Variants in SLC41A3 observed in about 807,000 individuals in gnomAD.
SLC41A3 encodes SLC41A1-like 2.
In SLC41A3, 44 loss-of-function variants were observed where a neutral mutation model predicts 45.4. The ratio of observed to expected loss-of-function variants is 0.97; its 90% confidence interval spans 0.76 to 1.25. SLC41A3 has a LOEUF of 1.25. SLC41A3 is among the 50% of genes most tolerant of loss of function. SLC41A3 has a pLI of 0.00. For synonymous variants in SLC41A3, 256 were observed against 252.4 expected, an observed-to-expected ratio of 1.01 and a Z score of -0.13; for missense variants, 550 against 600.6, an observed-to-expected ratio of 0.92 and a Z score of 0.88.
At chr3:126,077,357 G>A (rs9844008) in intron 1 of SLC41A3, among the ~76,000 whole-genome samples, 2,941 of 152,106 alleles carry the variant, frequency 0.019, 73 homozygotes, top group African/African-American at 0.061. Context: ...TCCAGCCTAG[G>A]GGACAGAGTA....
chr3:126,011,658 T>C (rs570259124), intron 9 of SLC41A3, among the ~76,000 whole-genome samples: 1 of 152,238 alleles, frequency 6.6e-6, no homozygotes, highest in South Asian at 2.1e-4. Flanking sequence ...TCCTAGAAAC[T>C]AAAGACAAGG....
chr3:126,086,023 T>G (rs941558623), upstream of SLC41A3, among the ~76,000 whole-genome samples: 1 of 152,028 alleles, frequency 6.6e-6, no homozygotes, highest in Non-Finnish European at 1.5e-5. Context: ...TGACACATGG[T>G]GGGGTCCTGC....
intron 1 of SLC41A3, among the ~76,000 whole-genome samples, chr3:126,099,447 C>T (rs1255744755): frequency 6.6e-6 from 1 of 152,222 alleles, no homozygotes; most frequent in East Asian, 1.9e-4. Flanking sequence ...TGTGGTGACT[C>T]ACGCCCATAA....
rs1039101046 is a variant in SLC41A3, at chr3:126,026,795, C to T, written c.454-316G>A. Among the ~76,000 whole-genome samples the T allele has an allele frequency of 6.6e-6, 1 of 152,192 alleles. No homozygotes were observed. Among genetic ancestry groups the T allele is most frequent in the African/African-American group, 2.4e-5 (1 of 41,448 alleles). On this transcript the variant is annotated intron_variant, in intron 4 of 10. Transcript: ENST00000360370. This position sits in a 1 kb window ranked among gnomAD's most constrained non-coding sequence, Gnocchi z 4.2. ...CCACCTGGTATCTTGCTGGCAACTC[C>T]ACTCTCACTGGTCTGAGCAGAAGTC... is the stretch of plus-strand genomic sequence containing the variant.
intron 1 of SLC41A3, among the ~76,000 whole-genome samples, chr3:126,096,289 A>C (rs140399846): frequency 2.0e-5 from 3 of 152,172 alleles, no homozygotes; most frequent in African/African-American, 7.2e-5. Flanking sequence ...GCAGATGCGG[A>C]TCCTGACTCC....
chr3:126,053,072 A>T (rs1943445413), intron 2 of SLC41A3, among the ~76,000 whole-genome samples: 1 of 152,212 alleles, frequency 6.6e-6, no homozygotes, highest in Non-Finnish European at 1.5e-5. Context: ...GGTATCACAC[A>T]ACCGTGACGG....
At chr3:126,078,036 C>T (rs1414554241) in intron 1 of SLC41A3, among the ~76,000 whole-genome samples, 1 of 152,178 alleles carries the variant, frequency 6.6e-6, no homozygotes, top group Non-Finnish European at 1.5e-5. Flanking sequence ...TGCCTACTCC[C>T]ACCTGCCTCC....
Position 126,037,572 on chromosome 3 carries a change from G to A in SLC41A3, c.382-3894C>T, listed in dbSNP as rs138578709. Reference sequence around the variant, plus strand: ...TTGAACTTAGGAGTGCTGTCTTAGGGTATCAGGCAGGAGAAATTTCTAAGG... The same window carrying A: ...TTGAACTTAGGAGTGCTGTCTTAGGATATCAGGCAGGAGAAATTTCTAAGG... On this transcript the variant is annotated intron_variant, in intron 3 of 10. Coordinates refer to ENST00000360370, the MANE Select transcript of SLC41A3 (RefSeq NM_017836.4). Among the ~76,000 whole-genome samples, 291 of 152,310 alleles carry A rather than the reference G, an allele frequency of 1.9e-3. 2 individuals are homozygous for A. Among genetic ancestry groups the A allele is most frequent in the African/African-American group, 6.6e-3 (275 of 41,562 alleles).
intron 8 of SLC41A3, 93 bp downstream of exon 8, chr3:126,015,401 G>A (rs1471165675): frequency 1.6e-6 from 2 of 1,282,756 alleles, no homozygotes; most frequent in South Asian, 1.3e-5. Flanking sequence ...TGCGGGGCTG[G>A]TGCTGCCCCT....
intron 4 of SLC41A3, among the ~76,000 whole-genome samples, chr3:126,028,202 T>A (rs992680830): frequency 4.6e-5 from 7 of 152,104 alleles, no homozygotes; most frequent in African/African-American, 1.7e-4. Flanking sequence ...CTAGAAGACA[T>A]CTTAGAGACC....
chr3:126,044,138 G>T (rs557043748), intron 3 of SLC41A3, among the ~76,000 whole-genome samples: 2 of 152,314 alleles, frequency 1.3e-5, no homozygotes, highest in African/African-American at 4.8e-5. Context: ...GCAAAAGAGG[G>T]CAGAGGTGGC....
intron 6 of SLC41A3, among the ~76,000 whole-genome samples, chr3:126,019,017 A>G (rs778826632): frequency 6.6e-6 from 1 of 152,226 alleles, no homozygotes; most frequent in Non-Finnish European, 1.5e-5. Flanking sequence ...TGCTTATAAC[A>G]GAACACTCGA....
chr3:126,077,743 G>A (rs1944945848), intron 1 of SLC41A3, among the ~76,000 whole-genome samples: 1 of 152,250 alleles, frequency 6.6e-6, no homozygotes, highest in South Asian at 2.1e-4. Context: ...GAACAGGGAT[G>A]TGTGCCCCAC....
intron 2 of SLC41A3, among the ~76,000 whole-genome samples, chr3:126,054,854 C>T (rs1943558910): frequency 2.0e-5 from 3 of 152,064 alleles, no homozygotes; most frequent in African/African-American, 7.2e-5. Context: ...GACAAGCTCT[C>T]AGCACAGCTC....
intron 1 of SLC41A3, chr3:126,073,162 C>T (rs1327421373): frequency 6.6e-6 from 1 of 152,316 alleles, no homozygotes; most frequent in Non-Finnish European, 1.5e-5. Flanking sequence ...CCTATCTGGC[C>T]AGATGCAGTG....
At chr3:126,089,124 C>A (rs1945444552), upstream of SLC41A3, among the ~76,000 whole-genome samples, 3 of 152,154 alleles carry the variant, frequency 2.0e-5, no homozygotes, top group South Asian at 2.1e-4. Flanking sequence ...ATCCTTCCAC[C>A]AAATATGCCT....
At chr3:126,007,915 C>T (rs1196758433) in intron 10 of SLC41A3, among the ~76,000 whole-genome samples, 7 of 152,360 alleles carry the variant, frequency 4.6e-5, no homozygotes, top group African/African-American at 1.7e-4. Context: ...CAGCCCGCTG[C>T]AGTCTAGGCA....
At chr3:126,055,297 G>A (rs189447881) in intron 2 of SLC41A3, among the ~76,000 whole-genome samples, 81 of 152,168 alleles carry the variant, frequency 5.3e-4, no homozygotes, top group Admixed American at 6.5e-4. Context: ...GGTGGATCAC[G>A]AGGTCAGGAG....
At chr3:126,077,359 G>T (rs1254338744) in intron 1 of SLC41A3, among the ~76,000 whole-genome samples, 1 of 152,042 alleles carries the variant, frequency 6.6e-6, no homozygotes, top group Non-Finnish European at 1.5e-5. Flanking sequence ...CAGCCTAGGG[G>T]ACAGAGTAAG....
Sources: gnomAD v4.1 joint callset for allele counts (sites outside exome capture counted in the v4.1 genomes callset) on GRCh38, gnomAD v4.1.1 for gene constraint, Gnocchi (gnomAD v3.1) non-coding constraint, MANE v1.5 for transcripts, NCBI Gene and HGNC (gene_info 2026-07-23, HGNC 2026-07-21) for gene names.